Variants in PI4KA observed in about 807,000 individuals in gnomAD.
PI4KA encodes the protein phosphatidylinositol 4-kinase alpha, also known as PI4-kinase alpha.
Under a neutral mutation model 271.4 loss-of-function variants are expected in PI4KA, and 122 were observed. The observed-to-expected ratio is 0.45, with a 90% CI of 0.39 to 0.52. The LOEUF (loss-of-function observed/expected upper bound fraction) is 0.52, where lower values mean the gene tolerates loss of function less well. Among genes scored for constraint, PI4KA ranks in the 20% least tolerant of loss-of-function variants. The pLI is 0.00. For missense variants in PI4KA, 1,969 were observed against 2,769.1 expected (o/e 0.71, Z 6.48); for synonymous variants, 1,041 against 1,078.8 (o/e 0.96, Z 0.69).
rs1928012856 is a variant in PI4KA at position 20,858,785 on chromosome 22, C to T, written c.-60G>A. 1.1e-5 allele frequency: 15 copies of T among 1,367,844 alleles called. No individual in the cohort carries two copies. The highest frequency in any genetic ancestry group is 1.5e-5 in the African/African-American group (1 of 65,494). The allele number at this position is 1,367,844 out of a possible 1,614,324, so 84.7% of individuals were successfully genotyped here. On this transcript the variant is annotated 5_prime_UTR_variant, in exon 1 of 55. Coordinates refer to ENST00000255882, the MANE Select transcript of PI4KA (RefSeq NM_058004.4). ...CCGCTCCTGGCCCGCGAGCGCCCGA[C>T]CTCAGGGCGCAGGCGTAGGTGCATC...
At chr22:20,709,887 C>T (rs370866803) in intron 53 of PI4KA, 21 bp downstream of exon 53, 73 of 1,339,846 alleles carry the variant, frequency 5.4e-5, no homozygotes, top group Admixed American at 3.0e-4. Context: ...AGATGGCCTG[C>T]GTGTCCACCA....
intron 19 of PI4KA, chr22:20,779,460 C>T: frequency 6.2e-7 from 1 of 1,614,142 alleles, no homozygotes; most frequent in Non-Finnish European, 8.5e-7. Flanking sequence ...TAACAAAAAC[C>T]TGAGCATGCC....
intron 19 of PI4KA, among the ~76,000 whole-genome samples, chr22:20,771,633 G>A (rs1040654542): frequency 6.6e-6 from 1 of 151,708 alleles, no homozygotes; most frequent in Non-Finnish European, 1.5e-5. Context: ...CCAGGCTGGA[G>A]TACAGTGGCA....
At chr22:20,805,194 G>C in intron 10 of PI4KA, 29 bp from the exon 11 acceptor site, 1 of 1,546,924 alleles carries the variant, frequency 6.5e-7, no homozygotes, top group Non-Finnish European at 8.9e-7. Context: ...CATCACAGCT[G>C]GGAACAAAAC....
chr22:20,830,717 T>C (rs1323138417), intron 3 of PI4KA, among the ~76,000 whole-genome samples: 3 of 152,174 alleles, frequency 2.0e-5, no homozygotes, highest in Non-Finnish European at 4.4e-5. Flanking sequence ...CTTGTTTGTG[T>C]GGTTGCTTTA....
intron 7 of PI4KA, among the ~76,000 whole-genome samples, chr22:20,815,790 C>T (rs912406120): frequency 1.3e-5 from 2 of 152,088 alleles, no homozygotes; most frequent in Non-Finnish European, 2.9e-5. Context: ...TTGTGATTAT[C>T]GGGCACTTCT....
intron 19 of PI4KA, among the ~76,000 whole-genome samples, chr22:20,789,306 CATTTATTTATTT>C (rs113990875): frequency 6.6e-6 from 1 of 152,116 alleles, no homozygotes; most frequent in Non-Finnish European, 1.5e-5. Context: ...GTCTAGAAAG[CATTTATTTATTT>C]ATTTATTTAT....
At position 20,733,852 on chromosome 22, in the gene PI4KA, G is replaced by C; in HGVS notation, c.4053-9C>G. The C allele has an allele frequency of 3.1e-6, 5 of 1,612,094 alleles. No homozygotes were observed. The highest frequency in any genetic ancestry group is 4.2e-6 in the Non-Finnish European group (5 of 1,179,862). On this transcript the variant is annotated splice_polypyrimidine_tract_variant and intron_variant, in intron 34 of 54. Coordinates refer to ENST00000255882, the MANE Select transcript of PI4KA (RefSeq NM_058004.4). ...GCCCCAGGGTCAGCAGCCTGTGAGGGAGCCCCGGACCCAGTTAGAGCAGGA... is the reference window on the plus strand; with the variant it reads ...GCCCCAGGGTCAGCAGCCTGTGAGGCAGCCCCGGACCCAGTTAGAGCAGGA...
At chr22:20,739,293 C>A (rs948689970) in intron 32 of PI4KA, among the ~76,000 whole-genome samples, 1 of 149,636 alleles carries the variant, frequency 6.7e-6, no homozygotes, top group African/African-American at 2.5e-5. Flanking sequence ...GAGCCAAGAT[C>A]GGGCCACTGC....
chr22:20,710,176 A>G, intron 52 of PI4KA, 179 bp from the exon 53 acceptor site: 1 of 656,314 alleles, frequency 1.5e-6, no homozygotes, highest in Non-Finnish European at 2.8e-6. Flanking sequence ...GGTAACCCAT[A>G]CCGCCCAGGC....
chr22:20,780,220 G>A, intron 19 of PI4KA: 1 of 1,614,178 alleles, frequency 6.2e-7, no homozygotes, highest in East Asian at 2.2e-5. Context: ...CACCTTTACA[G>A]TTCTCACAGC....
At chr22:20,739,555 T>C (rs1372372042) in intron 32 of PI4KA, among the ~76,000 whole-genome samples, 1 of 151,234 alleles carries the variant, frequency 6.6e-6, no homozygotes, top group African/African-American at 2.4e-5. Flanking sequence ...GTCAGTTTTA[T>C]TTAAATGTAC....
rs539040347 is a variant in PI4KA, at chr22:20,734,759, C to G, written c.3742-206G>C. ...GCTTGGTGTATTTTCTCCAGCCTCT[C>G]GAGGCTGCCTTCTGTTCAACCCGGT... On this transcript the variant is annotated intron_variant, in intron 32 of 54. Coordinates refer to ENST00000255882, the MANE Select transcript of PI4KA (RefSeq NM_058004.4). The G allele has an allele frequency of 2.5e-3, 1,994 of 799,918 alleles. 3 individuals carry two copies. Among genetic ancestry groups the G allele is most frequent in the Non-Finnish European group, 3.3e-3 (1,685 of 516,510 alleles). 49.6% of individuals were successfully genotyped at this position (799,918 alleles called of 1,614,324 possible). A position where few individuals can be genotyped will look rare whatever the true frequency, so the allele number is the denominator to read the frequency against.
intron 29 of PI4KA, among the ~76,000 whole-genome samples, chr22:20,745,041 C>T (rs754357933): frequency 2.0e-5 from 3 of 152,170 alleles, no homozygotes; most frequent in Non-Finnish European, 2.9e-5. Flanking sequence ...CATTCACAGC[C>T]GTCTCCTTGA....
chr22:20,722,005 G>A (rs913792544), intron 42 of PI4KA: 6 of 153,104 alleles, frequency 3.9e-5, no homozygotes, highest in African/African-American at 1.2e-4. Flanking sequence ...AGATCTGATG[G>A]TTTTATAAAT....
rs566253296 is a variant in PI4KA at position 20,734,063 on chromosome 22, C to T, written c.4032G>A (p.Ala1344=). The T allele has an allele frequency of 7.5e-6, 12 of 1,599,490 alleles. No individual in the cohort carries two copies. Among genetic ancestry groups the T allele is most frequent in the East Asian group, 4.5e-5 (2 of 44,136 alleles). Residue 1344 remains alanine (A), a synonymous_variant, in exon 34 of 55, where the codon GCG becomes GCA. Transcript: ENST00000255882. Reference sequence around the variant, plus strand: ...CTCACTTGAAGCGGGGCCCGATGGCCGCCACGTGCCGGTTCATGCTCCCCT... The same window carrying T: ...CTCACTTGAAGCGGGGCCCGATGGCTGCCACGTGCCGGTTCATGCTCCCCT... ...GAKGSMNRHV[A]AIGPRFKLLT...
chr22:20,813,241 T>C (rs1461543968), intron 8 of PI4KA, 117 bp downstream of exon 8: 3 of 750,440 alleles, frequency 4.0e-6, no homozygotes, highest in Admixed American at 4.5e-5. Context: ...TTTATGACTA[T>C]TAAATTGTAC....
intron 32 of PI4KA, among the ~76,000 whole-genome samples, chr22:20,737,919 C>CT (rs2147267741): frequency 6.6e-6 from 1 of 151,216 alleles, no homozygotes; most frequent in African/African-American, 2.4e-5. Context: ...GCGTGAGCCA[C>CT]TGCGCCTGGC....
chr22:20,729,878 C>A lies in PI4KA; in HGVS notation c.4408+14G>T. On this transcript the variant is annotated intron_variant, in intron 37 of 54. Coordinates refer to ENST00000255882, the MANE Select transcript of PI4KA (RefSeq NM_058004.4). ...CTTGCATGTGATGGCCCCAGCAGCA[C>A]ACCTCCCACCGACCTGATTTCTTGG... The A allele has an allele frequency of 6.2e-7, 1 of 1,613,988 alleles. No homozygotes were observed. Among genetic ancestry groups the A allele is most frequent in the Non-Finnish European group, 8.5e-7 (1 of 1,179,910 alleles).
Sources: gnomAD v4.1 joint callset for allele counts (sites outside exome capture counted in the v4.1 genomes callset) on GRCh38, gnomAD v4.1.1 for gene constraint, MANE v1.5 for transcripts, NCBI Gene and HGNC (gene_info 2026-07-23, HGNC 2026-07-21) for gene names.